Variants in CTLA4 observed in about 807,000 individuals in gnomAD.
The protein encoded by CTLA4 is cytotoxic T-lymphocyte associated protein 4.
CTLA4 carries 3 observed loss-of-function variants against 20.4 expected under a neutral mutation model. The ratio of observed to expected loss-of-function variants is 0.15; its 90% CI spans 0.07 to 0.38. The LOEUF (loss-of-function observed/expected upper bound fraction) is 0.38, where lower values mean the gene tolerates loss of function less well. CTLA4 is among the 10% of genes least tolerant of loss of function. The pLI, the probability that CTLA4 is intolerant of heterozygous loss-of-function variation, is 1.00. For synonymous variants in CTLA4, 100 were observed against 105.2 expected (o/e 0.95, Z 0.30); for missense variants, 184 against 276.8 (o/e 0.66, Z 2.38).
chr2:203,873,096 T>G lies in CTLA4; in HGVS notation c.*284T>G. On this transcript the variant is annotated 3_prime_UTR_variant, in exon 4 of 4. Transcript: ENST00000648405. ...AGCATTATGATGTGGGTCAAGGAAT[T>G]AAGTTAGGGAATGGCACAGCCCAAA... 1 of 537,772 alleles carries G rather than the reference T, an allele frequency of 1.9e-6. No individual in the cohort carries two copies. Among genetic ancestry groups the G allele is most frequent in the South Asian group, 3.1e-5 (1 of 31,776 alleles). 33.3% of individuals were successfully genotyped at this position (537,772 alleles called of 1,614,324 possible). A position where few individuals can be genotyped will look rare whatever the true frequency, so the allele number is the denominator to read the frequency against.
intron 3 of CTLA4, 75 bp downstream of exon 3, chr2:203,871,562 T>C: frequency 1.7e-6 from 2 of 1,147,456 alleles, no homozygotes; most frequent in Non-Finnish European, 2.6e-6. Flanking sequence ...AAAGATGATG[T>C]TGAGTTTAGT....
chr2:203,870,512 G>A lies in CTLA4; in HGVS notation c.110-74G>A. On this transcript the variant is annotated intron_variant, in intron 1 of 3. Transcript: ENST00000648405. This position sits in a 1 kb window ranked among gnomAD's most constrained non-coding sequence, Gnocchi z 5.3. ...AAGGCCGTGGGGATGAAGCTAGAAGGCAGAAGGGCTTGCCTGGGCTTGGCC... is the reference window on the plus strand; with the variant it reads ...AAGGCCGTGGGGATGAAGCTAGAAGACAGAAGGGCTTGCCTGGGCTTGGCC... The A allele has an allele frequency of 6.6e-7, 1 of 1,526,426 alleles. No homozygotes were observed. The highest frequency in any genetic ancestry group is 1.7e-5 in the Admixed American group (1 of 57,218). 94.6% of individuals were successfully genotyped at this position (1,526,426 alleles called of 1,614,324 possible). A position where few individuals can be genotyped will look rare whatever the true frequency, so the allele number is the denominator to read the frequency against.
chr2:203,871,567 T>C (rs1688734132), intron 3 of CTLA4, 80 bp downstream of exon 3: 1 of 1,114,720 alleles, frequency 9.0e-7, no homozygotes, highest in Non-Finnish European at 1.4e-6. Context: ...TGATGTTGAG[T>C]TTAGTGTTCT....
intron 3 of CTLA4, 38 bp downstream of exon 3, chr2:203,871,525 G>T (rs756791610): frequency 6.7e-7 from 1 of 1,484,540 alleles, no homozygotes; most frequent in Admixed American, 1.7e-5. Context: ...GTCTGATGGG[G>T]ATACCTTTAG....
At chr2:203,869,903 G>C (rs779335360) in intron 1 of CTLA4, among the ~76,000 whole-genome samples, 26 of 152,128 alleles carry the variant, frequency 1.7e-4, no homozygotes, top group Admixed American at 5.9e-4. Context: ...TTAACAGCAG[G>C]GTTGCCTCAA....
chr2:203,870,582 C>A lies in CTLA4; in HGVS notation c.110-4C>A, dbSNP rs767100685. The A allele has an allele frequency of 1.2e-6, 2 of 1,611,776 alleles. No homozygotes were observed. The highest frequency in any genetic ancestry group is 2.2e-5 in the South Asian group (2 of 91,000). On this transcript the variant is annotated splice_region_variant and splice_polypyrimidine_tract_variant and intron_variant, in intron 1 of 3. Coordinates refer to ENST00000648405, the MANE Select transcript of CTLA4 (RefSeq NM_005214.5). This position sits in a 1 kb window ranked among gnomAD's most constrained non-coding sequence, Gnocchi z 5.3. The stretch of plus-strand genomic sequence containing the variant: ...CTGAGTTCCCTTTGGCTTTTCCATG[C>A]TAGCAATGCACGTGGCCCAGCCTGC...
chr2:203,868,477 A>G (rs1482055014), intron 1 of CTLA4, among the ~76,000 whole-genome samples: 2 of 152,186 alleles, frequency 1.3e-5, no homozygotes, highest in Non-Finnish European at 1.5e-5. Flanking sequence ...TTGCTATACA[A>G]TTCAAGGTTT....
chr2:203,871,656 G>A (rs767760926), intron 3 of CTLA4, among the ~76,000 whole-genome samples, 169 bp downstream of exon 3: 4 of 152,152 alleles, frequency 2.6e-5, no homozygotes, highest in Non-Finnish European at 4.4e-5. Flanking sequence ...TGGCATTTGA[G>A]GTTTCAGAAT....
At chr2:203,868,886 A>G (rs895337952) in intron 1 of CTLA4, among the ~76,000 whole-genome samples, 1 of 152,232 alleles carries the variant, frequency 6.6e-6, no homozygotes, top group African/African-American at 2.4e-5. Flanking sequence ...TGTAGTTTGT[A>G]TGAAGTAGGT....
At position 203,870,601 on chromosome 2, in the gene CTLA4, AGCCTGCTGTGGTACTG is replaced by A. The variant is rs767995794; in HGVS notation, c.129_144del (p.Val45AlafsTer22). The A allele has an allele frequency of 6.2e-7, 1 of 1,613,912 alleles. No individual in the cohort carries two copies. The highest frequency in any genetic ancestry group is 1.7e-5 in the Admixed American group (1 of 60,020). On this transcript the variant is annotated frameshift_variant, in exon 2 of 4. Transcript: ENST00000648405. LOFTEE classifies it high-confidence loss of function. This position sits in a 1 kb window ranked among gnomAD's most constrained non-coding sequence, Gnocchi z 5.3. ...TCCATGCTAGCAATGCACGTGGCCC[AGCCTGCTGTGGTACTG>A]GCCAGCAGCCGAGGCATCGCCAGCT...
Position 203,873,327 on chromosome 2 carries a change from CATATAT to C in CTLA4, c.*566_*571del, listed in dbSNP as rs60872763. On this transcript the variant is annotated 3_prime_UTR_variant, in exon 4 of 4. Coordinates refer to ENST00000648405, the MANE Select transcript of CTLA4 (RefSeq NM_005214.5). ...TGCTAAAGGTTGTATTGCATATATACATATATATATATATATATATATATATATATA... is the reference window on the plus strand; with the variant it reads ...TGCTAAAGGTTGTATTGCATATATACATATATATATATATATATATATATA... The C allele has an allele frequency of 3.3e-3, 601 of 182,336 alleles. No homozygotes were observed. The highest frequency in any genetic ancestry group is 6.4e-3 in the African/African-American group (195 of 30,494). The allele number at this position is 182,336 out of a possible 1,614,324, so 11.3% of individuals were successfully genotyped here.
In CTLA4 at chr2:203,871,637, C is replaced by T. The variant is rs79971295; in HGVS notation, c.567+150C>T. ...ACAGTGGTAAAGAACGCACTAGAAC[C>T]GTAGGCATTGGCATTTGAGGTTTCA... On this transcript the variant is annotated intron_variant, in intron 3 of 3. Transcript: ENST00000648405. 1,689 of 651,246 alleles carry T rather than the reference C, an allele frequency of 2.6e-3. 4 individuals are homozygous for T. Among genetic ancestry groups the T allele is most frequent in the Non-Finnish European group, 3.9e-3 (1,432 of 366,626 alleles). The allele number at this position is 651,246 out of a possible 1,614,324, so 40.3% of individuals were successfully genotyped here.
intron 2 of CTLA4, 65 bp from the exon 3 acceptor site, chr2:203,871,313 T>G: frequency 7.2e-7 from 1 of 1,381,128 alleles, no homozygotes; most frequent in Non-Finnish European, 1.0e-6. Context: ...TTCACCAATG[T>G]TGGGGAGTAG....
rs373219319 is a variant in CTLA4, at chr2:203,872,838, A to G, written c.*26A>G. On this transcript the variant is annotated 3_prime_UTR_variant, in exon 4 of 4. Transcript: ENST00000648405. ...GAAACCATTATGAAGAAGAGAGTCC[A>G]TATTTCAATTTCCAAGAGCTGAGGC... 18 of 1,427,092 alleles carry G rather than the reference A, an allele frequency of 1.3e-5. No individual in the cohort carries two copies. The African/African-American group carries it at 1.8e-4, about 14-fold the overall frequency. 88.4% of individuals were successfully genotyped at this position (1,427,092 alleles called of 1,614,324 possible).
In CTLA4 at chr2:203,870,418, A is replaced by G. The variant is rs183868708; in HGVS notation, c.110-168A>G. On this transcript the variant is annotated intron_variant, in intron 1 of 3. Coordinates refer to ENST00000648405, the MANE Select transcript of CTLA4 (RefSeq NM_005214.5). This position sits in a 1 kb window ranked among gnomAD's most constrained non-coding sequence, Gnocchi z 5.3. ...GGAGAGTAGCTGGAAAACAGTTGAG[A>G]GATGGAGGGGAGGCTGGGGGTGTGG... 67 of 595,850 alleles carry G rather than the reference A, an allele frequency of 1.1e-4. No homozygotes were observed. In the African/African-American group the frequency reaches 1.4e-3, roughly 12 times the overall value. The allele number at this position is 595,850 out of a possible 1,614,324, so 36.9% of individuals were successfully genotyped here. A position where few individuals can be genotyped will look rare whatever the true frequency, so the allele number is the denominator to read the frequency against.
In CTLA4 at chr2:203,867,793, G is replaced by T. The variant is rs1391679563; in HGVS notation, c.-150G>T. 2 of 526,566 alleles carry T rather than the reference G, an allele frequency of 3.8e-6. No individual in the cohort carries two copies. The highest frequency in any genetic ancestry group is 6.5e-5 in the Admixed American group (2 of 30,950). 32.6% of individuals were successfully genotyped at this position (526,566 alleles called of 1,614,324 possible). Reference sequence around the variant, plus strand: ...AAGGCTTTCTATTCAAGTGCCTTCTGTGTGTGCACATGTGTAATACATATC... The same window carrying T: ...AAGGCTTTCTATTCAAGTGCCTTCTTTGTGTGCACATGTGTAATACATATC... On this transcript the variant is annotated 5_prime_UTR_variant, in exon 1 of 4. Transcript: ENST00000648405.
rs578120003 is a variant in CTLA4, at chr2:203,869,927, C to T, written c.110-659C>T. On this transcript the variant is annotated intron_variant, in intron 1 of 3. Transcript: ENST00000648405. ...GGGTTGCCTCAACCTAGAGAGGAAG[C>T]GACCTGGTGCCCTCGGCTCTGTGGC... Among the ~76,000 whole-genome samples the T allele has an allele frequency of 2.6e-5, 4 of 152,242 alleles. No individual in the cohort carries two copies. In the East Asian group the frequency reaches 7.7e-4, roughly 29 times the overall value.
Position 203,872,938 on chromosome 2 carries a change from A to G in CTLA4, c.*126A>G. 1 of 670,490 alleles carries G rather than the reference A, an allele frequency of 1.5e-6. No individual in the cohort carries two copies. The highest frequency in any genetic ancestry group is 1.8e-5 in the South Asian group (1 of 54,210). 41.5% of individuals were successfully genotyped at this position (670,490 alleles called of 1,614,324 possible). On this transcript the variant is annotated 3_prime_UTR_variant, in exon 4 of 4. Transcript: ENST00000648405. ...GGGGGAATTCATCTCTCTTTAATAT[A>G]AAGTTGGATGCGGAACCCAAATTAC... is the stretch of plus-strand genomic sequence containing the variant.
chr2:203,873,843 G>A lies in CTLA4; in HGVS notation c.*1031G>A, dbSNP rs1688780905. 4.3e-6 allele frequency: 1 copy of A among 230,428 alleles called. No individual in the cohort carries two copies. The highest frequency in any genetic ancestry group is 2.2e-5 in the African/African-American group (1 of 45,022). The allele number at this position is 230,428 out of a possible 1,614,324, so 14.3% of individuals were successfully genotyped here. A position where few individuals can be genotyped will look rare whatever the true frequency, so the allele number is the denominator to read the frequency against. On this transcript the variant is annotated 3_prime_UTR_variant, in exon 4 of 4. Transcript: ENST00000648405. ...AAGAAGGCAGCAGGTGGCAGAATGG[G>A]GTGCATGAAGGTTTCTGAAAATTAA...
Sources: gnomAD v4.1 joint callset for allele counts (sites outside exome capture counted in the v4.1 genomes callset) on GRCh38, gnomAD v4.1.1 for gene constraint, Gnocchi (gnomAD v3.1) non-coding constraint, MANE v1.5 for transcripts, NCBI Gene and HGNC (gene_info 2026-07-23, HGNC 2026-07-21) for gene names.